Variants in TIPRL observed in about 807,000 individuals in gnomAD.
TIPRL encodes the protein TIP41-like protein.
TIPRL carries 10 observed loss-of-function variants against 32.3 expected under a neutral mutation model. The observed-to-expected ratio is 0.31, with a 90% CI of 0.19 to 0.52. The LOEUF (loss-of-function observed/expected upper bound fraction) is 0.52. Among genes scored for constraint, TIPRL ranks in the 20% least tolerant of loss-of-function variants. The pLI, the probability that TIPRL is intolerant of heterozygous loss-of-function variation, is 0.96. For missense variants in TIPRL, 250 were observed against 328.1 expected (o/e 0.76, Z 1.84); for synonymous variants, 100 against 114.0 (o/e 0.88, Z 0.78).
At position 168,201,887 on chromosome 1, in the gene TIPRL, A is replaced by C. The variant is rs1700212482; in HGVS notation, c.*1841A>C. 1 of 144,358 alleles carries C rather than the reference A, an allele frequency of 6.9e-6. No individual in the cohort carries two copies. Among genetic ancestry groups the C allele is most frequent in the African/African-American group, 2.7e-5 (1 of 37,320 alleles). The allele number at this position is 144,358 out of a possible 1,614,324, so 8.9% of individuals were successfully genotyped here. A position where few individuals can be genotyped will look rare whatever the true frequency, so the allele number is the denominator to read the frequency against. On this transcript the variant is annotated 3_prime_UTR_variant, in exon 7 of 7. Coordinates refer to ENST00000367833, the MANE Select transcript of TIPRL (RefSeq NM_152902.5). ...CCTAGATTACTTATTTTGAGAATTC[A>C]TTGTTAAAAATTACAGGGAATTAAA...
At chr1:168,190,393 C>T (rs1170872103) in intron 3 of TIPRL, among the ~76,000 whole-genome samples, 2 of 152,172 alleles carry the variant, frequency 1.3e-5, no homozygotes, top group African/African-American at 4.8e-5. Context: ...CATTACTTAA[C>T]GTTCCCTTAG....
intron 1 of TIPRL, among the ~76,000 whole-genome samples, chr1:168,182,911 C>T (rs1699985005): frequency 6.6e-6 from 1 of 152,106 alleles, no homozygotes; most frequent in Non-Finnish European, 1.5e-5. Flanking sequence ...TTTTCTATCT[C>T]CTAATAACAA....
chr1:168,195,019 GA>G (rs1439012487), intron 4 of TIPRL, among the ~76,000 whole-genome samples: 1 of 152,174 alleles, frequency 6.6e-6, no homozygotes, highest in African/African-American at 2.4e-5. Flanking sequence ...CATGTGTACT[GA>G]AATCTGAAGG....
intron 4 of TIPRL, 135 bp from the exon 5 acceptor site, chr1:168,196,412 A>G: frequency 1.9e-6 from 1 of 517,092 alleles, no homozygotes; most frequent in Non-Finnish European, 3.2e-6. Context: ...TCTAGTTGAG[A>G]GATTTTTATA....
intron 1 of TIPRL, among the ~76,000 whole-genome samples, chr1:168,182,954 T>C (rs374172267): frequency 1.3e-5 from 2 of 152,344 alleles, no homozygotes; most frequent in African/African-American, 4.8e-5. Flanking sequence ...ATGATGAAAG[T>C]TAACATTGTT....
At chr1:168,199,044 A>C in intron 6 of TIPRL, 63 bp downstream of exon 6, 1 of 1,329,708 alleles carries the variant, frequency 7.5e-7, no homozygotes, top group Non-Finnish European at 1.1e-6. Context: ...TTTAAGTAGC[A>C]TATACCCCTG....
intron 5 of TIPRL, among the ~76,000 whole-genome samples, chr1:168,197,446 T>A (rs1700170734): frequency 6.6e-6 from 1 of 152,170 alleles, no homozygotes; most frequent in East Asian, 1.9e-4. Context: ...CCTTTTTTCT[T>A]TTAAAAGTGG....
At chr1:168,195,215 A>G (rs960420710) in intron 4 of TIPRL, among the ~76,000 whole-genome samples, 1 of 152,194 alleles carries the variant, frequency 6.6e-6, no homozygotes, top group African/African-American at 2.4e-5. Context: ...ATGTAAGATT[A>G]TAGGCAGTTC....
intron 4 of TIPRL, among the ~76,000 whole-genome samples, chr1:168,194,919 G>A (rs1044434416): frequency 1.3e-5 from 2 of 152,180 alleles, no homozygotes; most frequent in Non-Finnish European, 2.9e-5. Flanking sequence ...TTACAAATCC[G>A]TTAATTCGTA....
At chr1:168,179,330 T>A (rs1475434422) in intron 1 of TIPRL, 149 bp downstream of exon 1, 5 of 653,838 alleles carry the variant, frequency 7.6e-6, no homozygotes, top group African/African-American at 1.8e-5. Flanking sequence ...CTTCGATAAA[T>A]AATCCAGTCA....
At chr1:168,190,394 G>A (rs190424192) in intron 3 of TIPRL, among the ~76,000 whole-genome samples, 272 of 152,114 alleles carry the variant, frequency 1.8e-3, no homozygotes, top group Non-Finnish European at 3.1e-3. Context: ...ATTACTTAAC[G>A]TTCCCTTAGA....
chr1:168,179,217 G>A (rs757806400), intron 1 of TIPRL, 36 bp downstream of exon 1: 1 of 1,596,920 alleles, frequency 6.3e-7, no homozygotes, highest in Non-Finnish European at 8.6e-7. Flanking sequence ...GGCGCTGGCC[G>A]GTTGCTGGCC....
In TIPRL at chr1:168,186,098, A is replaced by T. The variant is rs184593989; in HGVS notation, c.384+1220A>T. Among the ~76,000 whole-genome samples the T allele has an allele frequency of 6.9e-3, 1,033 of 150,482 alleles. 4 individuals are homozygous for T. The highest frequency in any genetic ancestry group is 0.014 in the Middle Eastern group (4 of 290). On this transcript the variant is annotated intron_variant, in intron 3 of 6. Coordinates refer to ENST00000367833, the MANE Select transcript of TIPRL (RefSeq NM_152902.5). Reference sequence around the variant, plus strand: ...TCAAAAAAAAAAAAAAAAAAAAAAAAAAAAAGAGAGAGATTCATGGTAAAT... The same window carrying T: ...TCAAAAAAAAAAAAAAAAAAAAAAATAAAAAGAGAGAGATTCATGGTAAAT...
intron 3 of TIPRL, among the ~76,000 whole-genome samples, chr1:168,188,246 G>T (rs1240320625): frequency 6.6e-6 from 1 of 152,084 alleles, no homozygotes; most frequent in African/African-American, 2.4e-5. Context: ...TTTCATTTCA[G>T]TTCTAGGATG....
rs561534547 is a variant in TIPRL at position 168,179,045 on chromosome 1, T to C, written c.-33T>C. 2.6e-5 allele frequency: 41 copies of C among 1,595,638 alleles called. No individual in the cohort carries two copies. The African/African-American group carries it at 5.2e-4, about 20-fold the overall frequency. The stretch of plus-strand genomic sequence containing the variant: ...TCGCCGCCGCCGCTGCTTCAGCTTA[T>C]TCCTTGTGGCCTCTGCGGGTCCTGC... On this transcript the variant is annotated 5_prime_UTR_variant, in exon 1 of 7. Coordinates refer to ENST00000367833, the MANE Select transcript of TIPRL (RefSeq NM_152902.5).
intron 3 of TIPRL, among the ~76,000 whole-genome samples, chr1:168,186,149 G>A (rs1387759334): frequency 6.6e-6 from 1 of 150,458 alleles, no homozygotes; most frequent in Non-Finnish European, 1.5e-5. Context: ...GAATTGGTAG[G>A]TCTTATATTG....
intron 5 of TIPRL, among the ~76,000 whole-genome samples, 154 bp downstream of exon 5, chr1:168,196,796 A>G (rs1027311710): frequency 6.6e-6 from 1 of 152,200 alleles, no homozygotes; most frequent in African/African-American, 2.4e-5. Context: ...TGTTGACTGC[A>G]GGCTATCATC....
chr1:168,196,274 G>A (rs931184775), intron 4 of TIPRL, among the ~76,000 whole-genome samples: 8 of 151,882 alleles, frequency 5.3e-5, no homozygotes, highest in African/African-American at 1.9e-4. Context: ...ACATTACTTG[G>A]GTATGTTTTT....
In TIPRL at chr1:168,198,871, T is replaced by C. The variant is rs769250555; in HGVS notation, c.613-48T>C. ...TCTGTTTTTAATACAAAGGATTTTG[T>C]AAATCAGTATAATTAAATTTATTGC... On this transcript the variant is annotated intron_variant, in intron 5 of 6. Coordinates refer to ENST00000367833, the MANE Select transcript of TIPRL (RefSeq NM_152902.5). 8 of 1,510,080 alleles carry C rather than the reference T, an allele frequency of 5.3e-6. No homozygotes were observed. The South Asian group carries it at 9.5e-5, about 18-fold the overall frequency. The allele number at this position is 1,510,080 out of a possible 1,614,324, so 93.5% of individuals were successfully genotyped here.
Sources: gnomAD v4.1 joint callset for allele counts (sites outside exome capture counted in the v4.1 genomes callset) on GRCh38, gnomAD v4.1.1 for gene constraint, MANE v1.5 for transcripts, NCBI Gene and HGNC (gene_info 2026-07-23, HGNC 2026-07-21) for gene names.